RORA: variants seen among roughly 807,000 people sequenced by gnomAD.
RORA encodes RAR related orphan receptor A.
A neutral mutation model predicts 69.5 loss-of-function variants in RORA; 7 were observed. The ratio of observed to expected loss-of-function variants is 0.10; its 90% CI spans 0.06 to 0.19. RORA has a LOEUF of 0.19. Ranked by LOEUF, RORA falls within the 10% of genes least tolerant of loss-of-function variation. RORA has a pLI of 1.00. For synonymous variants in RORA, 261 were observed against 240.8 expected, an observed-to-expected ratio of 1.08 and a Z score of -0.78; for missense variants, 457 against 663.0, an observed-to-expected ratio of 0.69 and a Z score of 3.41.
At chr15:61,105,206 A>G (rs1322543265) in intron 1 of RORA, among the ~76,000 whole-genome samples, 1 of 152,110 alleles carries the variant, frequency 6.6e-6, no homozygotes, top group African/African-American at 2.4e-5. Flanking sequence ...GACCTTTTAC[A>G]TTTATAATGA....
intron 1 of RORA, among the ~76,000 whole-genome samples, chr15:61,008,520 C>G (rs1388912065): frequency 6.6e-6 from 1 of 152,062 alleles, no homozygotes; most frequent in Non-Finnish European, 1.5e-5. Context: ...GGGCTGTTCC[C>G]TGAGGGGTGG....
chr15:60,837,984 G>A (rs1320639274), intron 1 of RORA, among the ~76,000 whole-genome samples: 1 of 152,224 alleles, frequency 6.6e-6, no homozygotes, highest in South Asian at 2.1e-4. Context: ...ACTTGAGAAG[G>A]GGCTTTTAGA....
intron 1 of RORA, among the ~76,000 whole-genome samples, chr15:61,104,526 G>A (rs2078924430): frequency 6.6e-6 from 1 of 152,052 alleles, no homozygotes; most frequent in South Asian, 2.1e-4. Flanking sequence ...GCCACTTAAG[G>A]AGCATACAAA....
At chr15:60,646,144 T>C (rs1193048396) in intron 2 of RORA, among the ~76,000 whole-genome samples, 2 of 152,184 alleles carry the variant, frequency 1.3e-5, no homozygotes, top group African/African-American at 2.4e-5. Flanking sequence ...GCCAAGCTTA[T>C]TGTTTCATAG....
At chr15:60,551,020 A>T (rs927284222) in intron 2 of RORA, among the ~76,000 whole-genome samples, 2 of 152,204 alleles carry the variant, frequency 1.3e-5, no homozygotes, top group African/African-American at 4.8e-5. Flanking sequence ...ATAGCTACAA[A>T]GTCATAAAAA....
At chr15:61,024,003 G>A (rs1403737) in intron 1 of RORA, among the ~76,000 whole-genome samples, 55,122 of 151,836 alleles carry the variant, frequency 0.36, 10,766 homozygotes, top group African/African-American at 0.51. Flanking sequence ...AAGAGTCTAT[G>A]GAAACAAAAA....
intron 2 of RORA, among the ~76,000 whole-genome samples, chr15:60,543,917 A>G (rs868112612): frequency 1.3e-5 from 2 of 152,206 alleles, no homozygotes; most frequent in Non-Finnish European, 2.9e-5. Flanking sequence ...GTGAGAAACA[A>G]CACTAACCAG....
rs566769157 is a variant in RORA at position 61,018,733 on chromosome 15, A to G, written c.166+210320T>C. On this transcript the variant is annotated intron_variant, in intron 1 of 10. Transcript: ENST00000335670. ...TATACTGACCTCAGAGCAATCATAC[A>G]TATAACACATATGAGTACGTATGTA... 3.9e-5 allele frequency among the ~76,000 whole-genome samples: 6 copies of G among 152,340 alleles called. No individual in the cohort carries two copies. The East Asian group carries it at 1.2e-3, about 29-fold the overall frequency.
intron 1 of RORA, among the ~76,000 whole-genome samples, chr15:61,145,368 G>A (rs547090901): frequency 6.6e-6 from 1 of 152,302 alleles, no homozygotes; most frequent in South Asian, 2.1e-4. Context: ...TATGGACACA[G>A]AATGCACACA....
At chr15:61,132,299 G>A (rs990173967) in intron 1 of RORA, among the ~76,000 whole-genome samples, 2 of 151,542 alleles carry the variant, frequency 1.3e-5, no homozygotes, top group Non-Finnish European at 2.9e-5. Context: ...TTATCTTAAC[G>A]GATGTTTGAA....
chr15:60,980,916 A>C (rs190538057), intron 1 of RORA, among the ~76,000 whole-genome samples: 1 of 151,140 alleles, frequency 6.6e-6, no homozygotes, highest in African/African-American at 2.4e-5. Flanking sequence ...CTTTAGGCTT[A>C]GTTTGCTTCT....
chr15:61,228,064 G>T (rs1400717701), intron 1 of RORA, among the ~76,000 whole-genome samples: 1 of 148,592 alleles, frequency 6.7e-6, no homozygotes, highest in Non-Finnish European at 1.5e-5. Flanking sequence ...ACACCAAAAT[G>T]AAGAGTAAAA....
chr15:60,538,999 G>GCACACACACACA (rs57764714), intron 2 of RORA, among the ~76,000 whole-genome samples: 1,574 of 150,054 alleles, frequency 0.01, 13 homozygotes, highest in South Asian at 0.028. Flanking sequence ...CCTGCCAAAT[G>GCACACACACACA]CACACACACA....
At chr15:61,083,433 T>C (rs766397587) in intron 1 of RORA, among the ~76,000 whole-genome samples, 3 of 152,170 alleles carry the variant, frequency 2.0e-5, no homozygotes, top group Non-Finnish European at 2.9e-5. Context: ...TCTATACCTA[T>C]GGACTTTTTG....
chr15:61,023,204 A>AC (rs1231127137), intron 1 of RORA, among the ~76,000 whole-genome samples: 3 of 150,956 alleles, frequency 2.0e-5, no homozygotes, highest in Non-Finnish European at 3.0e-5. Context: ...AAAAAAAAAA[A>AC]AAAAAAACTG....
At chr15:60,867,408 G>C (rs2073502368) in intron 1 of RORA, among the ~76,000 whole-genome samples, 1 of 152,078 alleles carries the variant, frequency 6.6e-6, no homozygotes, top group Non-Finnish European at 1.5e-5. Context: ...TGTCAGAATT[G>C]AGTTTAATTG....
chr15:60,627,285 C>T lies in RORA; in HGVS notation c.196+51372G>A, dbSNP rs758757935. On this transcript the variant is annotated intron_variant, in intron 2 of 10. Transcript: ENST00000335670. ...GTGTGGGTGTGGCAGACATTCTGGC[C>T]TGTCCAGTTCGAAGACAATGACCCA... is the stretch of plus-strand genomic sequence containing the variant. 3 of 1,614,198 alleles carry T rather than the reference C, an allele frequency of 1.9e-6. No individual in the cohort carries two copies. The Admixed American group carries it at 5.0e-5, about 27-fold the overall frequency.
At chr15:61,003,098 G>A (rs2072008245) in intron 1 of RORA, among the ~76,000 whole-genome samples, 1 of 149,864 alleles carries the variant, frequency 6.7e-6, no homozygotes, top group South Asian at 2.1e-4. Context: ...GAGCCGAGAT[G>A]GTGCCACTGC....
chr15:60,544,621 G>T (rs2067011898), intron 2 of RORA, among the ~76,000 whole-genome samples: 1 of 151,838 alleles, frequency 6.6e-6, no homozygotes, highest in African/African-American at 2.4e-5. Flanking sequence ...AAAAATAAAA[G>T]TTTTTTTTCC....
Sources: allele counts gnomAD v4.1 joint callset (sites outside exome capture counted in the v4.1 genomes callset), GRCh38; gene constraint gnomAD v4.1.1; transcripts MANE v1.5; gene names NCBI Gene and HGNC (gene_info 2026-07-23, HGNC 2026-07-21).